MGAT5: variants seen among roughly 807,000 people sequenced by gnomAD.
MGAT5 encodes alpha-1,6-mannosylglycoprotein 6-beta-N-acetylglucosaminyltransferase.
Under a neutral mutation model 94.3 loss-of-function variants are expected in MGAT5, and 30 were observed. The ratio of observed to expected loss-of-function variants is 0.32; its 90% CI spans 0.24 to 0.43. The LOEUF is 0.43. Among genes scored for constraint, MGAT5 ranks in the 20% least tolerant of loss-of-function variants. The pLI, the probability that MGAT5 is intolerant of heterozygous loss-of-function variation, is 1.00. For synonymous variants in MGAT5, 310 were observed against 322.9 expected (o/e 0.96, Z 0.43); for missense variants, 691 against 905.5 (o/e 0.76, Z 3.04).
chr2:134,376,883 A>C (rs577075183), intron 10 of MGAT5, among the ~76,000 whole-genome samples: 1 of 152,308 alleles, frequency 6.6e-6, no homozygotes, highest in East Asian at 1.9e-4. Context: ...GCACCATCCA[A>C]GATGGTAACT....
rs139457112 is a variant in MGAT5, at chr2:134,199,330, C to T, written c.-142-54932C>T. 2.1e-3 allele frequency among the ~76,000 whole-genome samples: 320 copies of T among 152,088 alleles called. 4 individuals carry two copies. The highest frequency in any genetic ancestry group is 0.016 in the Admixed American group (246 of 15,284). On this transcript the variant is annotated intron_variant, in intron 1 of 16. Coordinates refer to the MGAT5 transcript ENST00000409645. ...ACATATATCCCAGAAGACAGCCTCCCGGGATGGAGCTGAAGTCTCGGAGGG... is the reference window on the plus strand; with the variant it reads ...ACATATATCCCAGAAGACAGCCTCCTGGGATGGAGCTGAAGTCTCGGAGGG...
chr2:134,259,708 C>T (rs1012275342), intron 1 of MGAT5, among the ~76,000 whole-genome samples: 1 of 152,186 alleles, frequency 6.6e-6, no homozygotes, highest in Non-Finnish European at 1.5e-5. Context: ...CTTTTTAGTC[C>T]TGGACTGGCC....
At chr2:134,359,531 CTT>C (rs1679950934) in intron 9 of MGAT5, among the ~76,000 whole-genome samples, 1 of 152,178 alleles carries the variant, frequency 6.6e-6, no homozygotes, top group African/African-American at 2.4e-5. Context: ...ACCAGCCATC[CTT>C]TTTAAAAATC....
chr2:134,196,803 A>G (rs1453207035), intron 1 of MGAT5, among the ~76,000 whole-genome samples: 4 of 152,220 alleles, frequency 2.6e-5, no homozygotes, highest in Non-Finnish European at 5.9e-5. Context: ...GTGTGGCCCA[A>G]GACAGTTCTT....
intron 1 of MGAT5, among the ~76,000 whole-genome samples, chr2:134,146,084 G>T (rs1246685846): frequency 6.6e-6 from 1 of 152,128 alleles, no homozygotes; most frequent in Admixed American, 6.5e-5. Context: ...GGCATTCTTA[G>T]TTAAGTGTGG....
intron 1 of MGAT5, among the ~76,000 whole-genome samples, chr2:134,248,848 C>T (rs1392634840): frequency 6.6e-6 from 1 of 152,054 alleles, no homozygotes. Context: ...ATAGGGCCTC[C>T]AGGGATGTTG....
rs144748628 is a variant in MGAT5 at position 134,396,743 on chromosome 2, C to G, written c.1381-6245C>G. 6.6e-5 allele frequency among the ~76,000 whole-genome samples: 10 copies of G among 152,334 alleles called. 1 individual carries two copies. The East Asian group carries it at 1.9e-3, about 29-fold the overall frequency. ...TCAGCCAGCTTGTATTTACTGAGCG[C>G]TCGCTCGCCCTGTGCCAGGCCTCTG... is the stretch of plus-strand genomic sequence containing the variant. On this transcript the variant is annotated intron_variant, in intron 10 of 15. Transcript: ENST00000281923.
At chr2:134,335,119 C>T (rs1044836240) in intron 4 of MGAT5, among the ~76,000 whole-genome samples, 2 of 152,088 alleles carry the variant, frequency 1.3e-5, no homozygotes, top group South Asian at 4.1e-4. Flanking sequence ...TGAGTAACTT[C>T]CAGATTAAGT....
At chr2:134,330,414 C>A (rs35792347) in intron 4 of MGAT5, among the ~76,000 whole-genome samples, 18,960 of 152,024 alleles carry the variant, frequency 0.12, 1,368 homozygotes, top group South Asian at 0.25. Context: ...GTCAGAGAGG[C>A]AACAAATTTC....
intron 1 of MGAT5, among the ~76,000 whole-genome samples, chr2:134,240,898 A>G (rs1681938720): frequency 6.6e-6 from 1 of 152,226 alleles, no homozygotes; most frequent in Non-Finnish European, 1.5e-5. Flanking sequence ...TTAGCCTGAT[A>G]TTTAGAAACA....
chr2:134,404,641 TC>T (rs1395907651), intron 11 of MGAT5, among the ~76,000 whole-genome samples: 1 of 152,240 alleles, frequency 6.6e-6, no homozygotes, highest in African/African-American at 2.4e-5. Flanking sequence ...CCTCTTTGCC[TC>T]AGTTTCTCCA....
chr2:134,285,741 A>C (rs531121100), intron 2 of MGAT5, among the ~76,000 whole-genome samples: 1 of 151,882 alleles, frequency 6.6e-6, no homozygotes, highest in East Asian at 1.9e-4. Flanking sequence ...CTTTTTTCTT[A>C]TCTTGCATTT....
intron 1 of MGAT5, among the ~76,000 whole-genome samples, chr2:134,191,844 C>T (rs574633952): frequency 4.7e-5 from 7 of 149,808 alleles, no homozygotes; most frequent in Admixed American, 1.3e-4. Context: ...TTCGCGCCCT[C>T]CTCCTCCTGC....
At chr2:134,159,291 G>A (rs183274796) in intron 1 of MGAT5, among the ~76,000 whole-genome samples, 61 of 149,288 alleles carry the variant, frequency 4.1e-4, no homozygotes, top group African/African-American at 1.3e-3. Context: ...TTCCCTTCTC[G>A]CTTCCCTTCC....
chr2:134,259,524 T>C (rs962618889), intron 1 of MGAT5, among the ~76,000 whole-genome samples: 4 of 152,206 alleles, frequency 2.6e-5, no homozygotes, highest in African/African-American at 9.6e-5. Flanking sequence ...CTGGCTTCTC[T>C]GGGCTGGGGT....
At chr2:134,366,256 A>G (rs1352115577) in intron 10 of MGAT5, among the ~76,000 whole-genome samples, 1 of 152,224 alleles carries the variant, frequency 6.6e-6, no homozygotes, top group East Asian at 1.9e-4. Flanking sequence ...TAAAGTCATC[A>G]GAGAATGGAA....
intron 10 of MGAT5, among the ~76,000 whole-genome samples, chr2:134,372,250 G>A (rs1355151028): frequency 6.6e-6 from 1 of 152,144 alleles, no homozygotes; most frequent in Non-Finnish European, 1.5e-5. Context: ...GTTTTACCTC[G>A]GTTGCATCCA....
intron 1 of MGAT5, among the ~76,000 whole-genome samples, chr2:134,241,347 T>C (rs61085655): frequency 6.6e-6 from 1 of 152,234 alleles, no homozygotes; most frequent in Non-Finnish European, 1.5e-5. Context: ...AAGGAAGCAA[T>C]GAGTTCTCTT....
intron 4 of MGAT5, chr2:134,319,827 A>G: frequency 3.0e-6 from 1 of 336,432 alleles, no homozygotes. Flanking sequence ...GCATGTCTAT[A>G]GCAGTCATCC....
Sources: gnomAD v4.1 joint callset for allele counts (sites outside exome capture counted in the v4.1 genomes callset) on GRCh38, gnomAD v4.1.1 for gene constraint, MANE v1.5 for transcripts, NCBI Gene and HGNC (gene_info 2026-07-23, HGNC 2026-07-21) for gene names.